The following NAALADL2 variants were observed in gnomAD, a reference collection of about 807,000 sequenced individuals.
NAALADL2 encodes the protein N-acetylated alpha-linked acidic dipeptidase like 2, also known as inactive N-acetylated-alpha-linked acidic dipeptidase-like protein 2.
In NAALADL2, 76 loss-of-function variants were observed where a neutral mutation model predicts 87.2. The ratio of observed to expected loss-of-function variants is 0.87; its 90% CI spans 0.72 to 1.05. The LOEUF is 1.05. Ranked by LOEUF, NAALADL2 falls within the 50% of genes least tolerant of loss-of-function variation. The pLI, the probability that NAALADL2 is intolerant of heterozygous loss-of-function variation, is 0.00. For missense variants in NAALADL2, 1,089 were observed against 945.8 expected, an observed-to-expected ratio of 1.15 and a Z score of -1.99; for synonymous variants, 354 against 331.0, an observed-to-expected ratio of 1.07 and a Z score of -0.75.
intron 5 of NAALADL2, among the ~76,000 whole-genome samples, chr3:175,424,956 C>A (rs1162558362): frequency 1.3e-5 from 2 of 152,070 alleles, no homozygotes; most frequent in Non-Finnish European, 2.9e-5. Context: ...CTCTTACGTA[C>A]TATACAGCCA....
chr3:174,848,328 A>G (rs1295008450), intron 3 of NAALADL2, among the ~76,000 whole-genome samples: 1 of 152,156 alleles, frequency 6.6e-6, no homozygotes, highest in Admixed American at 6.5e-5. Flanking sequence ...TACAAGTTGA[A>G]CCTGCAAAAT....
intron 2 of NAALADL2, among the ~76,000 whole-genome samples, chr3:174,615,555 A>G (rs1427710216): frequency 2.0e-5 from 3 of 152,160 alleles, no homozygotes; most frequent in Non-Finnish European, 4.4e-5. Flanking sequence ...CCTTCTTCTA[A>G]TAAGCCTGAG....
At chr3:175,055,060 T>C (rs191014477) in intron 1 of NAALADL2, among the ~76,000 whole-genome samples, 2 of 152,330 alleles carry the variant, frequency 1.3e-5, no homozygotes, top group Admixed American at 6.5e-5. Context: ...AGAGAAATGA[T>C]TGAAATGTCC....
intron 9 of NAALADL2, among the ~76,000 whole-genome samples, chr3:175,553,485 C>T (rs552390486): frequency 2.2e-4 from 34 of 152,026 alleles, no homozygotes; most frequent in Non-Finnish European, 4.1e-4. Context: ...CAGCTATATC[C>T]CACATGACTC....
intron 1 of NAALADL2, chr3:175,081,289 G>C (rs946936804): frequency 7.9e-5 from 12 of 152,106 alleles, no homozygotes; most frequent in African/African-American, 2.9e-4. Context: ...AATTATAAAT[G>C]ATCATAAAAT....
At chr3:175,496,863 AAC>A (rs1728889443) in intron 9 of NAALADL2, among the ~76,000 whole-genome samples, 1 of 151,942 alleles carries the variant, frequency 6.6e-6, no homozygotes, top group Non-Finnish European at 1.5e-5. Flanking sequence ...CCTGGCTGAT[AAC>A]ACTATTTATT....
At chr3:175,224,655 G>C (rs774818406) in intron 2 of NAALADL2, among the ~76,000 whole-genome samples, 1 of 152,032 alleles carries the variant, frequency 6.6e-6, no homozygotes, top group Non-Finnish European at 1.5e-5. Context: ...AGTAGACTAG[G>C]TCCTGGCCTG....
At chr3:175,630,547 A>G (rs1727616209) in intron 11 of NAALADL2, among the ~76,000 whole-genome samples, 1 of 151,754 alleles carries the variant, frequency 6.6e-6, no homozygotes, top group Non-Finnish European at 1.5e-5. Flanking sequence ...TTTTACTATA[A>G]AATATACATA....
chr3:175,233,935 T>C lies in NAALADL2; in HGVS notation c.550T>C (p.Leu184=), dbSNP rs369391283. The change falls in exon 3 of 14, where the codon TTG becomes CTG. Residue 184 remains leucine (L), a synonymous_variant. Transcript: ENST00000454872. ...TTCTTTTCAAATTTATTTCAGAAAT[T>C]TGGTACAACTATATAAAAATGAAGA... ...AEDIKKSFRN[L]VQLYKNEDDM... 69 of 1,546,392 alleles carry C rather than the reference T, an allele frequency of 4.5e-5. No homozygotes were observed. In the African/African-American group the frequency reaches 9.3e-4, roughly 21 times the overall value.
At chr3:174,454,543 C>T (rs1045915862) in intron 1 of NAALADL2, among the ~76,000 whole-genome samples, 4 of 152,190 alleles carry the variant, frequency 2.6e-5, no homozygotes, top group African/African-American at 4.8e-5. Flanking sequence ...ACCACTCTCT[C>T]AGACAACAGC....
intron 4 of NAALADL2, among the ~76,000 whole-genome samples, chr3:175,282,713 A>G (rs932988503): frequency 6.6e-6 from 1 of 152,072 alleles, no homozygotes; most frequent in African/African-American, 2.4e-5. Flanking sequence ...ACTCAGCAGC[A>G]CTTAATGAAG....
chr3:175,536,400 C>T (rs1053124702), intron 9 of NAALADL2, among the ~76,000 whole-genome samples: 2 of 152,066 alleles, frequency 1.3e-5, no homozygotes, highest in African/African-American at 4.8e-5. Context: ...AAAAGCAAAG[C>T]AATACTAATT....
intron 11 of NAALADL2, among the ~76,000 whole-genome samples, chr3:175,646,338 C>CT (rs1729999902): frequency 6.6e-6 from 1 of 151,962 alleles, no homozygotes; most frequent in Non-Finnish European, 1.5e-5. Context: ...TATCATTACA[C>CT]TTAACAGAAT....
intron 2 of NAALADL2, among the ~76,000 whole-genome samples, chr3:174,666,778 T>C (rs1278956246): frequency 1.3e-5 from 2 of 152,174 alleles, no homozygotes; most frequent in Non-Finnish European, 2.9e-5. Context: ...TCAACAAAAC[T>C]CTAGAATTTT....
chr3:174,911,673 G>A (rs986356844), intron 1 of NAALADL2, among the ~76,000 whole-genome samples: 3 of 151,966 alleles, frequency 2.0e-5, no homozygotes, highest in Non-Finnish European at 4.4e-5. Context: ...CTTCAATTTG[G>A]GTTTCAGTCA....
At chr3:175,111,891 T>C (rs892579103) in intron 2 of NAALADL2, among the ~76,000 whole-genome samples, 1 of 151,582 alleles carries the variant, frequency 6.6e-6, no homozygotes, top group Non-Finnish European at 1.5e-5. Flanking sequence ...ACAACCAATT[T>C]GGAAACAGAC....
intron 10 of NAALADL2, among the ~76,000 whole-genome samples, chr3:175,613,351 G>T (rs1024826718): frequency 6.6e-6 from 1 of 152,116 alleles, no homozygotes; most frequent in African/African-American, 2.4e-5. Context: ...CATATGTTCT[G>T]TCTTAAAAAT....
At chr3:174,914,418 C>T (rs1382436351) in intron 1 of NAALADL2, among the ~76,000 whole-genome samples, 2 of 152,188 alleles carry the variant, frequency 1.3e-5, no homozygotes, top group East Asian at 3.9e-4. Context: ...TATTTAGTAT[C>T]ATATGGGGTA....
intron 6 of NAALADL2, among the ~76,000 whole-genome samples, chr3:175,453,517 A>G (rs1244247301): frequency 1.3e-5 from 2 of 152,162 alleles, no homozygotes; most frequent in Admixed American, 6.6e-5. Flanking sequence ...GTTTCATTCA[A>G]GTTGGACGTA....
Sources: gnomAD v4.1 joint callset for allele counts (sites outside exome capture counted in the v4.1 genomes callset) on GRCh38, gnomAD v4.1.1 for gene constraint, MANE v1.5 for transcripts, NCBI Gene and HGNC (gene_info 2026-07-23, HGNC 2026-07-21) for gene names.